The following SPC25 variants were observed in gnomAD, a reference collection of about 807,000 sequenced individuals.
SPC25 encodes the protein SPC25 component of NDC80 kinetochore complex, also known as kinetochore protein Spc25.
Under a neutral mutation model 29.6 loss-of-function variants are expected in SPC25, and 22 were observed. The ratio of observed to expected loss-of-function variants is 0.74; its 90% confidence interval spans 0.53 to 1.06. The LOEUF (loss-of-function observed/expected upper bound fraction) is 1.06, where lower values mean the gene tolerates loss of function less well. Ranked by LOEUF, SPC25 falls within the 50% of genes least tolerant of loss-of-function variation. The pLI is 0.00. For synonymous variants in SPC25, 91 were observed against 90.4 expected (o/e 1.01, Z -0.04); for missense variants, 230 against 255.8 (o/e 0.90, Z 0.69).
chr2:168,865,232 A>T (rs1053643852), intron 4 of SPC25: 1 of 385,818 alleles, frequency 2.6e-6, no homozygotes. Context: ...ATGATCCAGT[A>T]TAACCCCTGG....
At chr2:168,862,271 A>T (rs1402286747) in intron 4 of SPC25, among the ~76,000 whole-genome samples, 1 of 152,218 alleles carries the variant, frequency 6.6e-6, no homozygotes, top group Non-Finnish European at 1.5e-5. Flanking sequence ...CCTATTGTCC[A>T]ATTTAATATT....
At chr2:168,863,629 A>T (rs1286736217) in intron 4 of SPC25, 1 of 983,828 alleles carries the variant, frequency 1.0e-6, no homozygotes, top group East Asian at 1.1e-4. Flanking sequence ...TTGAATGGGG[A>T]GTTACATTTT....
At chr2:168,863,620 T>A in intron 4 of SPC25, 1 of 985,034 alleles carries the variant, frequency 1.0e-6, no homozygotes, top group Non-Finnish European at 1.2e-6. Flanking sequence ...TCTAAGTTGT[T>A]GAATGGGGAG....
At position 168,882,179 on chromosome 2, in the gene SPC25, C is replaced by T. The variant is rs2105831233; in HGVS notation, c.200-4795G>A. On this transcript the variant is annotated intron_variant, in intron 3 of 6. Coordinates refer to ENST00000282074, the MANE Select transcript of SPC25 (RefSeq NM_020675.4). ...ATAAATGAAATATCAAATCAATGTT[C>T]AAGAGGTAGATTATTCTCTAAACAG... is the stretch of plus-strand genomic sequence containing the variant. Among the ~76,000 whole-genome samples the T allele has an allele frequency of 2.6e-5, 4 of 152,314 alleles. No individual in the cohort carries two copies. In the South Asian group the frequency reaches 8.3e-4, roughly 32 times the overall value.
At chr2:168,869,335 T>C (rs1427273656), downstream of SPC25, among the ~76,000 whole-genome samples, 1 of 152,258 alleles carries the variant, frequency 6.6e-6, no homozygotes, top group South Asian at 2.1e-4. Flanking sequence ...CTATTCAACA[T>C]AGTGTTGGAA....
At chr2:168,870,519 C>A (rs1358183489), downstream of SPC25, among the ~76,000 whole-genome samples, 1 of 151,762 alleles carries the variant, frequency 6.6e-6, no homozygotes, top group Non-Finnish European at 1.5e-5. Context: ...AAGAAAAAAA[C>A]AAACAACCCC....
chr2:168,886,093 G>T lies in SPC25; in HGVS notation c.199+3133C>A, dbSNP rs1052626678. ...TTTGGAGACAGGGTCTCACTCTGTC[G>T]CCCAGGCTGGAGTGAAGTGGCATGA... On this transcript the variant is annotated intron_variant, in intron 3 of 6. Coordinates refer to ENST00000282074, the MANE Select transcript of SPC25 (RefSeq NM_020675.4). 4.1e-5 allele frequency among the ~76,000 whole-genome samples: 5 copies of T among 120,824 alleles called. No homozygotes were observed. In the Admixed American group the frequency reaches 5.7e-4, roughly 14 times the overall value. The allele number at this position is 120,824 out of a possible 152,430, so 79.3% of individuals were successfully genotyped here.
chr2:168,873,187 G>A (rs1022556187), intron 6 of SPC25, among the ~76,000 whole-genome samples: 35 of 152,154 alleles, frequency 2.3e-4, no homozygotes, highest in Admixed American at 1.3e-4. Flanking sequence ...GTTAAATTCT[G>A]GTGACTTTAC....
chr2:168,888,021 G>A (rs944782270), intron 3 of SPC25, among the ~76,000 whole-genome samples: 4 of 152,200 alleles, frequency 2.6e-5, no homozygotes, highest in African/African-American at 9.6e-5. Context: ...GCTCACACCC[G>A]AAATCCTAGC....
intron 3 of SPC25, among the ~76,000 whole-genome samples, chr2:168,888,633 A>G (rs1690313629): frequency 6.6e-6 from 1 of 152,052 alleles, no homozygotes; most frequent in African/African-American, 2.4e-5. Flanking sequence ...TAGTTGTGGA[A>G]GGTGGGAGAA....
chr2:168,863,883 CATAAGGATAT>C (rs760492618), intron 4 of SPC25, among the ~76,000 whole-genome samples: 2 of 152,040 alleles, frequency 1.3e-5, no homozygotes, highest in Non-Finnish European at 2.9e-5. Flanking sequence ...AGCCAGGCAG[CATAAGGATAT>C]ATGATCCAAC....
intron 4 of SPC25, among the ~76,000 whole-genome samples, chr2:168,864,156 C>CG (rs1689691261): frequency 6.6e-6 from 1 of 151,440 alleles, no homozygotes; most frequent in African/African-American, 2.4e-5. Context: ...TTAGTAGAGA[C>CG]GGGGTTTCAC....
At chr2:168,880,716 T>C (rs1049188377) in intron 3 of SPC25, among the ~76,000 whole-genome samples, 5 of 152,212 alleles carry the variant, frequency 3.3e-5, no homozygotes, top group Non-Finnish European at 5.9e-5. Flanking sequence ...CTTCTTTCAG[T>C]TGAACAATTA....
At position 168,877,437 on chromosome 2, in the gene SPC25, T is replaced by C. The variant is rs1690107334; in HGVS notation, c.200-53A>G. 10 of 1,599,394 alleles carry C rather than the reference T, an allele frequency of 6.3e-6. No individual in the cohort carries two copies. In the Admixed American group the frequency reaches 1.4e-4, roughly 23 times the overall value. On this transcript the variant is annotated intron_variant, in intron 3 of 6. Coordinates refer to ENST00000282074, the MANE Select transcript of SPC25 (RefSeq NM_020675.4). ...AATATGCTTGGCTCTCTGACATGTA[T>C]CTAAGAAAAGGCCAAAGTTTACTGA...
chr2:168,865,672 G>C lies in SPC25; in HGVS notation n.419+7913C>G, dbSNP rs369273012. 5.9e-4 allele frequency among the ~76,000 whole-genome samples: 90 copies of C among 152,302 alleles called. No individual in the cohort carries two copies. In the East Asian group the frequency reaches 0.015, roughly 25 times the overall value. On this transcript the variant is annotated intron_variant and non_coding_transcript_variant, in intron 4 of 4. Transcript: ENST00000479309. ...GGGCATTCAATTAGGAAAAGAGGAA[G>C]TCAAATTGTCCCTGTTTGCAGATGA...
intron 5 of SPC25, among the ~76,000 whole-genome samples, chr2:168,875,560 G>T (rs1292640238): frequency 3.3e-5 from 5 of 152,068 alleles, no homozygotes; most frequent in African/African-American, 1.2e-4. Context: ...ATATCTTATT[G>T]TACCATACTC....
chr2:168,881,532 G>A (rs1433209697), intron 3 of SPC25, among the ~76,000 whole-genome samples: 1 of 152,198 alleles, frequency 6.6e-6, no homozygotes, highest in Non-Finnish European at 1.5e-5. Flanking sequence ...AAGCATAAGA[G>A]CTCTAGGGCA....
downstream of SPC25, among the ~76,000 whole-genome samples, chr2:168,868,421 G>A (rs1689913116): frequency 6.6e-6 from 1 of 152,122 alleles, no homozygotes; most frequent in Admixed American, 6.5e-5. Flanking sequence ...CCAGGAGCTG[G>A]CTTTTTGAAA....
intron 4 of SPC25, among the ~76,000 whole-genome samples, chr2:168,876,605 T>TTC (rs754317384): frequency 0.022 from 3,384 of 151,130 alleles, 132 homozygotes; most frequent in African/African-American, 0.079. Context: ...TTTTTCTTTT[T>TTC]TTTTTTTTTA....
Sources: gnomAD v4.1 joint callset for allele counts (sites outside exome capture counted in the v4.1 genomes callset) on GRCh38, gnomAD v4.1.1 for gene constraint, MANE v1.5 for transcripts, NCBI Gene and HGNC (gene_info 2026-07-23, HGNC 2026-07-21) for gene names.